CSMD3: variants seen among roughly 807,000 people sequenced by gnomAD.
The protein encoded by CSMD3 is CUB and sushi domain-containing protein 3.
CSMD3 carries 177 observed loss-of-function variants against 435.2 expected under a neutral mutation model. The ratio of observed to expected loss-of-function variants is 0.41; its 90% CI spans 0.36 to 0.46. The LOEUF (loss-of-function observed/expected upper bound fraction) is 0.46, where lower values mean the gene tolerates loss of function less well. Ranked by LOEUF, CSMD3 falls within the 20% of genes least tolerant of loss-of-function variation. The pLI, the probability that CSMD3 is intolerant of heterozygous loss-of-function variation, is 0.34. For synonymous variants in CSMD3, 1,656 were observed against 1,520.5 expected (o/e 1.09, Z -2.07); for missense variants, 4,265 against 4,504.6 (o/e 0.95, Z 1.52).
chr8:112,454,181 C>T (rs532156993), intron 32 of CSMD3, among the ~76,000 whole-genome samples: 5 of 152,186 alleles, frequency 3.3e-5, no homozygotes, highest in Middle Eastern at 3.4e-3. Flanking sequence ...TTCTGGACAT[C>T]GGCCTTAGCA....
At chr8:113,229,889 C>T (rs1474935138) in intron 3 of CSMD3, among the ~76,000 whole-genome samples, 3 of 151,530 alleles carry the variant, frequency 2.0e-5, no homozygotes, top group Non-Finnish European at 4.4e-5. Flanking sequence ...GCTTATTTTA[C>T]TTATAATTAC....
chr8:113,001,890 A>G (rs374739170), intron 6 of CSMD3, among the ~76,000 whole-genome samples: 1 of 152,058 alleles, frequency 6.6e-6, no homozygotes, highest in Non-Finnish European at 1.5e-5. Context: ...TACATAGTAC[A>G]TTGTTAGTAA....
chr8:112,328,572 G>C (rs958748529), intron 45 of CSMD3, among the ~76,000 whole-genome samples: 2 of 152,104 alleles, frequency 1.3e-5, no homozygotes, highest in Admixed American at 6.6e-5. Context: ...TCTATCATGA[G>C]GAATGAAAAT....
chr8:112,849,114 C>G (rs1190791634), intron 11 of CSMD3, among the ~76,000 whole-genome samples: 2 of 152,048 alleles, frequency 1.3e-5, no homozygotes, highest in African/African-American at 2.4e-5. Context: ...ACAATTAAGA[C>G]TTCTACTAAG....
intron 26 of CSMD3, among the ~76,000 whole-genome samples, chr8:112,551,820 T>G (rs1827712702): frequency 1.3e-5 from 2 of 152,252 alleles, no homozygotes; most frequent in African/African-American, 2.4e-5. Flanking sequence ...GAATTTATAT[T>G]ACTACTTTAT....
At chr8:112,923,338 G>A (rs1315851505) in intron 9 of CSMD3, among the ~76,000 whole-genome samples, 1 of 152,094 alleles carries the variant, frequency 6.6e-6, no homozygotes, top group Non-Finnish European at 1.5e-5. Context: ...TCATACTAAA[G>A]AGATTGCCCT....
intron 12 of CSMD3, among the ~76,000 whole-genome samples, chr8:112,809,853 A>C (rs2079178474): frequency 6.6e-6 from 1 of 152,204 alleles, no homozygotes; most frequent in African/African-American, 2.4e-5. Context: ...TCAACAAAGA[A>C]TATCTTTCTC....
chr8:113,083,494 C>T lies in CSMD3; in HGVS notation c.917+15262G>A, dbSNP rs183854179. On this transcript the variant is annotated intron_variant, in intron 5 of 70. Coordinates refer to ENST00000297405, the MANE Select transcript of CSMD3 (RefSeq NM_198123.2). ...GGAAATTCATCACCCCTATAATGGT[C>T]TTACAATAAATGTGTAAGGGAGTCT... Among the ~76,000 whole-genome samples, 49 of 152,008 alleles carry T rather than the reference C, an allele frequency of 3.2e-4. 1 individual carries two copies. Among genetic ancestry groups the T allele is most frequent in the Non-Finnish European group, 2.9e-5 (2 of 67,980 alleles).
intron 27 of CSMD3, among the ~76,000 whole-genome samples, chr8:112,522,454 T>C (rs1000905345): frequency 6.6e-6 from 1 of 151,878 alleles, no homozygotes; most frequent in African/African-American, 2.4e-5. Flanking sequence ...GCATTCGTCA[T>C]TAAGTAACAC....
intron 13 of CSMD3, among the ~76,000 whole-genome samples, chr8:112,696,662 T>A (rs2076263507): frequency 6.6e-6 from 1 of 152,134 alleles, no homozygotes; most frequent in Non-Finnish European, 1.5e-5. Flanking sequence ...GACATAGGCA[T>A]GGGCAAGGAC....
intron 4 of CSMD3, among the ~76,000 whole-genome samples, chr8:113,106,260 G>T (rs1413779802): frequency 1.3e-5 from 2 of 151,686 alleles, no homozygotes; most frequent in Non-Finnish European, 2.9e-5. Flanking sequence ...AGTGAGGAAA[G>T]AAAGGGAAGA....
rs116654799 is a variant in CSMD3 at position 113,049,779 on chromosome 8, T to G, written c.918-30600A>C. On this transcript the variant is annotated intron_variant, in intron 5 of 70. Coordinates refer to ENST00000297405, the MANE Select transcript of CSMD3 (RefSeq NM_198123.2). ...GAGAAGCAATTTGAAATATTTATTT[T>G]CTGTTTATAATTCATATAAATATTG... 8.5e-3 allele frequency among the ~76,000 whole-genome samples: 1,302 copies of G among 152,324 alleles called. 22 individuals are homozygous for G. Among genetic ancestry groups the G allele is most frequent in the African/African-American group, 0.029 (1,221 of 41,580 alleles).
chr8:112,675,407 T>C (rs1397689833), intron 16 of CSMD3, among the ~76,000 whole-genome samples: 1 of 152,128 alleles, frequency 6.6e-6, no homozygotes, highest in East Asian at 1.9e-4. Context: ...TTACATCTAA[T>C]CATATTCAAG....
chr8:112,538,969 T>C (rs1191378190), intron 27 of CSMD3: 1 of 152,650 alleles, frequency 6.6e-6, no homozygotes, highest in African/African-American at 2.4e-5. Context: ...GTGGAAAGTA[T>C]AGGCCAATAT....
intron 45 of CSMD3, among the ~76,000 whole-genome samples, chr8:112,332,379 T>C (rs1017879413): frequency 6.6e-6 from 1 of 152,090 alleles, no homozygotes; most frequent in African/African-American, 2.4e-5. Flanking sequence ...GTATTTATGA[T>C]GGAGATGAAG....
intron 48 of CSMD3, 137 bp from the exon 49 acceptor site, chr8:112,314,189 A>G: frequency 2.6e-6 from 2 of 756,266 alleles, no homozygotes; most frequent in Non-Finnish European, 4.3e-6. Flanking sequence ...AATAATTGAA[A>G]ACATAAAATG....
intron 5 of CSMD3, among the ~76,000 whole-genome samples, chr8:113,090,735 G>A (rs982336982): frequency 7.9e-5 from 12 of 152,176 alleles, no homozygotes; most frequent in African/African-American, 2.9e-4. Flanking sequence ...TAACAAGCCT[G>A]CTGTAGAAAA....
chr8:112,225,520 A>G (rs1812482443), intron 70 of CSMD3, among the ~76,000 whole-genome samples: 1 of 152,160 alleles, frequency 6.6e-6, no homozygotes, highest in Non-Finnish European at 1.5e-5. Context: ...TAGGAGAGGT[A>G]ATAGAACAAA....
intron 12 of CSMD3, among the ~76,000 whole-genome samples, chr8:112,812,624 T>G (rs1563985184): frequency 6.6e-6 from 1 of 152,180 alleles, no homozygotes; most frequent in Non-Finnish European, 1.5e-5. Flanking sequence ...GTTGAATTAT[T>G]TCTTCTGAGG....
Sources: allele counts gnomAD v4.1 joint callset (sites outside exome capture counted in the v4.1 genomes callset), GRCh38; gene constraint gnomAD v4.1.1; transcripts MANE v1.5; gene names NCBI Gene and HGNC (gene_info 2026-07-23, HGNC 2026-07-21).